HMCN1: variants seen among roughly 807,000 people sequenced by gnomAD.
The protein encoded by HMCN1 is hemicentin-1.
Under a neutral mutation model 625.9 loss-of-function variants are expected in HMCN1, and 321 were observed. The observed-to-expected ratio is 0.51, with a 90% CI of 0.47 to 0.56. The LOEUF (loss-of-function observed/expected upper bound fraction) is 0.56, where lower values mean the gene tolerates loss of function less well. HMCN1 is among the 20% of genes least tolerant of loss of function. HMCN1 has a pLI of 0.00. For synonymous variants in HMCN1, 2,425 were observed against 2,417.6 expected (o/e 1.00, Z -0.09); for missense variants, 6,588 against 6,887.3 (o/e 0.96, Z 1.54).
At chr1:185,997,036 G>A (rs557750186) in intron 24 of HMCN1, among the ~76,000 whole-genome samples, 2 of 152,208 alleles carry the variant, frequency 1.3e-5, no homozygotes, top group South Asian at 4.1e-4. Context: ...CCTGGTAAGA[G>A]GAAATAAGGG....
intron 4 of HMCN1, among the ~76,000 whole-genome samples, chr1:185,891,508 C>G (rs375100498): frequency 0.026 from 3,809 of 146,976 alleles, 224 homozygotes; most frequent in South Asian, 0.034. Context: ...CAGGCCTGGT[C>G]GTGACAAAAT....
At position 186,133,139 on chromosome 1, in the gene HMCN1, T is replaced by C. The variant is rs55722283; in HGVS notation, c.13312+730T>C. Reference sequence around the variant, plus strand: ...TGGGGATCTAGAACTAGAAATACCATTTAACCCAGCAATCCCATTACTGGG... The same window carrying C: ...TGGGGATCTAGAACTAGAAATACCACTTAACCCAGCAATCCCATTACTGGG... On this transcript the variant is annotated intron_variant, in intron 86 of 106. Transcript: ENST00000271588. Among the ~76,000 whole-genome samples, 208 of 152,186 alleles carry C rather than the reference T, an allele frequency of 1.4e-3. 1 individual carries two copies. Among genetic ancestry groups the C allele is most frequent in the African/African-American group, 4.6e-3 (192 of 41,528 alleles).
At position 185,925,153 on chromosome 1, in the gene HMCN1, C is replaced by A. The variant is rs1302098971; in HGVS notation, c.1392C>A (p.Val464=). ...TTTTGCCCTTTACCTTGAGCTTTGTCAGAAATGGAGTTACACTTGGAGTAG... is the reference window on the plus strand; with the variant it reads ...TTTTGCCCTTTACCTTGAGCTTTGTAAGAAATGGAGTTACACTTGGAGTAG... ...DSLLPFTLSF[V]RNGVTLGVDQ... Residue 464 remains valine (V), a synonymous_variant, in exon 9 of 107, where the codon GTC becomes GTA. Coordinates refer to ENST00000271588, the MANE Select transcript of HMCN1 (RefSeq NM_031935.3). 4 of 1,613,872 alleles carry A rather than the reference C, an allele frequency of 2.5e-6. No individual in the cohort carries two copies. The highest frequency in any genetic ancestry group is 2.5e-6 in the Non-Finnish European group (3 of 1,179,838).
intron 4 of HMCN1, among the ~76,000 whole-genome samples, chr1:185,885,732 G>C (rs1360277113): frequency 1.3e-5 from 2 of 151,952 alleles, no homozygotes; most frequent in African/African-American, 4.8e-5. Context: ...TGATTTCCCA[G>C]TGCCAGATAC....
chr1:186,005,706 C>G (rs1475622484), intron 29 of HMCN1, among the ~76,000 whole-genome samples: 1 of 152,114 alleles, frequency 6.6e-6, no homozygotes, highest in Non-Finnish European at 1.5e-5. Context: ...TTAGGGGCCA[C>G]AGACCAAGGA....
rs1057009440 is a variant in HMCN1, at chr1:186,022,967, G to A, written c.5626-63G>A. 22 of 1,488,918 alleles carry A rather than the reference G, an allele frequency of 1.5e-5. No individual in the cohort carries two copies. The Middle Eastern group carries it at 1.0e-3, about 70-fold the overall frequency. 92.2% of individuals were successfully genotyped at this position (1,488,918 alleles called of 1,614,324 possible). ...AATTTAAATGAATTTTTCTGTCTCA[G>A]TGAATATTTTCAAATCCAAGTATAA... is the stretch of plus-strand genomic sequence containing the variant. On this transcript the variant is annotated intron_variant, in intron 35 of 106. Coordinates refer to ENST00000271588, the MANE Select transcript of HMCN1 (RefSeq NM_031935.3).
Position 186,166,849 on chromosome 1 carries a change from G to A in HMCN1, c.15481G>A (p.Gly5161Ser). The A allele has an allele frequency of 6.2e-7, 1 of 1,614,136 alleles. No homozygotes were observed. Among genetic ancestry groups the A allele is most frequent in the South Asian group, 1.1e-5 (1 of 91,074 alleles). Residue 5161 changes from glycine to serine, a missense_variant, in exon 100 of 107, where the codon GGT becomes AGT. This residue lies in a region of HMCN1 where 1,954 missense variants were observed against 2,013.1 expected (regional missense o/e 0.97). Coordinates refer to ENST00000271588, the MANE Select transcript of HMCN1 (RefSeq NM_031935.3). The stretch of plus-strand genomic sequence containing the variant: ...TTTGGGTAGGCATACCTGCCACGCT[G>A]GTCAGGACTGTGACAATACGATTGG... ...CALGRHTCHA[G>S]QDCDNTIGSY...
chr1:185,962,691 T>C lies in HMCN1; in HGVS notation c.1970+32T>C, dbSNP rs201117078. On this transcript the variant is annotated intron_variant, in intron 12 of 106. Coordinates refer to ENST00000271588, the MANE Select transcript of HMCN1 (RefSeq NM_031935.3). ...GGTTTGTATCATGTTTTTGTTTTTA[T>C]TGAGTGAGAAAAATTGATGAGACTT... 1.2e-4 allele frequency: 157 copies of C among 1,341,380 alleles called. No homozygotes were observed. The African/African-American group carries it at 1.4e-3, about 12-fold the overall frequency. The allele number at this position is 1,341,380 out of a possible 1,614,324, so 83.1% of individuals were successfully genotyped here. A position where few individuals can be genotyped will look rare whatever the true frequency, so the allele number is the denominator to read the frequency against.
chr1:186,164,274 C>CA (rs1651727250), intron 97 of HMCN1, among the ~76,000 whole-genome samples: 1 of 143,148 alleles, frequency 7.0e-6, no homozygotes, highest in African/African-American at 2.8e-5. Flanking sequence ...GAGTCTCGCT[C>CA]TGTCCCCCAG....
chr1:186,166,286 A>G lies in HMCN1; in HGVS notation c.15422A>G (p.Asp5141Gly). Reference sequence around the variant, plus strand: ...CCTAAAGGCCTCACCATAGCTGCAGATGGAAGAACTTGTCAAGGTATTCAC... The same window carrying G: ...CCTAAAGGCCTCACCATAGCTGCAGGTGGAAGAACTTGTCAAGGTATTCAC... Reference protein sequence around the residue: ...SCPKGLTIAADGRTCQDIDEC... With the variant: ...SCPKGLTIAAGGRTCQDIDEC... Residue 5141 changes from aspartate to glycine, a missense_variant, in exon 99 of 107, where the codon GAT (aspartate) becomes GGT (glycine). Physicochemically the swap from Asp to Gly is moderately conservative, Grantham distance 94. Around this residue, in one of 3 missense-constraint regions of HMCN1, gnomAD observed 1,954 missense variants for 2,013.1 expected, o/e 0.97. Transcript: ENST00000271588. The G allele has an allele frequency of 6.2e-7, 1 of 1,614,160 alleles. No individual in the cohort carries two copies. The highest frequency in any genetic ancestry group is 8.5e-7 in the Non-Finnish European group (1 of 1,180,004).
chr1:185,944,361 G>C (rs1293681340), intron 11 of HMCN1, among the ~76,000 whole-genome samples: 1 of 152,132 alleles, frequency 6.6e-6, no homozygotes, highest in African/African-American at 2.4e-5. Context: ...CTCAGGTGAT[G>C]GGTGCACTAA....
chr1:186,049,545 C>G (rs11808513), intron 42 of HMCN1, among the ~76,000 whole-genome samples: 4,267 of 152,016 alleles, frequency 0.028, 193 homozygotes, highest in African/African-American at 0.091. Context: ...ATAGTCACAA[C>G]TTTTGCCTCA....
intron 102 of HMCN1, 22 bp from the exon 103 acceptor site, chr1:186,174,492 C>T (rs1203684590): frequency 3.1e-6 from 5 of 1,612,804 alleles, no homozygotes; most frequent in Non-Finnish European, 4.2e-6. Flanking sequence ...AATGTTACTT[C>T]TCATTGCCTC....
rs766231606 is a variant in HMCN1 at position 186,178,479 on chromosome 1, G to T, written c.16007G>T (p.Ser5336Ile). Residue 5336 changes from serine (S) to isoleucine (I), a missense_variant, in exon 104 of 107, where the codon AGC becomes ATC. Around this residue, in one of 3 missense-constraint regions of HMCN1, gnomAD observed 1,954 missense variants for 2,013.1 expected, o/e 0.97. Transcript: ENST00000271588. ...CAHQCSNTPG[S>I]FKCICPPGQH... ...CATCAGTGCTCCAACACCCCCGGCA[G>T]CTTCAAGTGTATCTGTCCACCAGGA... The T allele has an allele frequency of 6.2e-7, 1 of 1,614,068 alleles. No individual in the cohort carries two copies. The highest frequency in any genetic ancestry group is 1.3e-5 in the African/African-American group (1 of 75,032).
chr1:185,872,273 A>G (rs978730400), intron 4 of HMCN1, among the ~76,000 whole-genome samples: 1 of 152,090 alleles, frequency 6.6e-6, no homozygotes, highest in Admixed American at 6.6e-5. Context: ...TTTTGTGCTA[A>G]GATTGACATG....
chr1:186,171,922 C>A, intron 101 of HMCN1, 84 bp from the exon 102 acceptor site: 2 of 1,255,608 alleles, frequency 1.6e-6, no homozygotes, highest in Admixed American at 1.8e-5. Flanking sequence ...TAAATAATAT[C>A]CCTAAAATCC....
At chr1:186,004,887 T>C (rs976784706) in intron 29 of HMCN1, among the ~76,000 whole-genome samples, 1 of 152,050 alleles carries the variant, frequency 6.6e-6, no homozygotes, top group African/African-American at 2.4e-5. Flanking sequence ...GGTAGATACT[T>C]TACGGCATAA....
intron 4 of HMCN1, among the ~76,000 whole-genome samples, chr1:185,901,789 A>C (rs1342563916): frequency 6.6e-6 from 1 of 151,806 alleles, no homozygotes. Context: ...ACCTAATCCC[A>C]GTTGAAATTA....
intron 4 of HMCN1, among the ~76,000 whole-genome samples, chr1:185,890,176 T>C (rs1447748942): frequency 6.7e-6 from 1 of 149,706 alleles, no homozygotes; most frequent in African/African-American, 2.6e-5. Flanking sequence ...TCATTTTTTA[T>C]TGCGTCTATT....
Sources: gnomAD v4.1 joint callset for allele counts (sites outside exome capture counted in the v4.1 genomes callset) on GRCh38, gnomAD v4.1.1 for gene constraint, gnomAD v4.1.1 regional missense constraint, MANE v1.5 for transcripts, NCBI Gene and HGNC (gene_info 2026-07-23, HGNC 2026-07-21) for gene names.